SLC20A2: variants seen among roughly 807,000 people sequenced by gnomAD.
SLC20A2 encodes sodium-dependent phosphate transporter 2.
In SLC20A2, 30 loss-of-function variants were observed where a neutral mutation model predicts 61.0. That is an observed-to-expected ratio of 0.49 (90% confidence interval 0.37 to 0.67). SLC20A2 has a LOEUF of 0.67. SLC20A2 is among the 30% of genes least tolerant of loss of function. The pLI, the probability that SLC20A2 is intolerant of heterozygous loss-of-function variation, is 0.00. For missense variants in SLC20A2, 626 were observed against 866.4 expected (o/e 0.72, Z 3.48); for synonymous variants, 351 against 353.3 (o/e 0.99, Z 0.07).
At chr8:42,450,188 T>C (rs1265828718) in intron 5 of SLC20A2, among the ~76,000 whole-genome samples, 2 of 151,522 alleles carry the variant, frequency 1.3e-5, no homozygotes, top group Non-Finnish European at 2.9e-5. Context: ...AAAATATATA[T>C]ATATATTTTT....
At chr8:42,483,877 T>C (rs898531449) in intron 1 of SLC20A2, among the ~76,000 whole-genome samples, 7 of 152,360 alleles carry the variant, frequency 4.6e-5, no homozygotes, top group East Asian at 1.9e-4. Context: ...TGGAACCATG[T>C]ATGAAAATAG....
In SLC20A2 at chr8:42,439,529, G is replaced by A; in HGVS notation, c.855C>T (p.Ile285=). ...TCTCCCCTGCTGCTCCCGTGAGCGG[G>A]ATGGTGCTGTCATCATTAGCCTTGG... The part of the protein sequence containing the change: ...PGAKANDDST[I]PLTGAAGETL... The change falls in exon 7 of 11, where the codon ATC becomes ATT. Residue 285 remains isoleucine (I), a synonymous_variant. Coordinates refer to ENST00000520262, the MANE Select transcript of SLC20A2 (RefSeq NM_001257180.2). The A allele has an allele frequency of 2.5e-6, 4 of 1,614,238 alleles. No homozygotes were observed. The highest frequency in any genetic ancestry group is 3.4e-6 in the Non-Finnish European group (4 of 1,180,048).
At chr8:42,526,407 C>T (rs577521640) in intron 1 of SLC20A2, among the ~76,000 whole-genome samples, 1 of 151,480 alleles carries the variant, frequency 6.6e-6, no homozygotes, top group African/African-American at 2.4e-5. Flanking sequence ...GGTGTGGTGG[C>T]TCACGCCTGT....
rs11985799 is a variant in SLC20A2, at chr8:42,493,367, A to C, written c.-265+7664T>G. On this transcript the variant is annotated intron_variant, in intron 1 of 10. Coordinates refer to ENST00000520262, the MANE Select transcript of SLC20A2 (RefSeq NM_001257180.2). ...CTCACATGTAGTGAACGCTGGTGAG[A>C]TACACCGTGATACTACACAGATAAG... 8.3e-3 allele frequency among the ~76,000 whole-genome samples: 1,264 copies of C among 151,738 alleles called. 9 individuals carry two copies. Among genetic ancestry groups the C allele is most frequent in the African/African-American group, 0.029 (1,213 of 41,350 alleles).
rs1563478110 is a variant in SLC20A2 at position 42,455,240 on chromosome 8, A to AT, written c.613+4655_613+4656insA. Among the ~76,000 whole-genome samples the AT allele has an allele frequency of 1.0e-3, 99 of 95,416 alleles. 2 individuals are homozygous for AT. Among genetic ancestry groups the AT allele is most frequent in the African/African-American group, 3.1e-3 (78 of 25,278 alleles). 62.6% of individuals were successfully genotyped at this position (95,416 alleles called of 152,430 possible). A position where few individuals can be genotyped will look rare whatever the true frequency, so the allele number is the denominator to read the frequency against. On this transcript the variant is annotated intron_variant, in intron 5 of 10. Transcript: ENST00000520262. ...ACTCCGTCTAAAAAAAAAAAAAAAA[A>AT]AATATATATATATATATAGAGAGAG... is the stretch of plus-strand genomic sequence containing the variant.
chr8:42,426,530 T>C (rs1803424137), intron 10 of SLC20A2, among the ~76,000 whole-genome samples: 2 of 152,116 alleles, frequency 1.3e-5, no homozygotes, highest in South Asian at 4.1e-4. Flanking sequence ...GCCATGTCTC[T>C]ACTAAAAATA....
intron 1 of SLC20A2, among the ~76,000 whole-genome samples, chr8:42,509,460 C>A (rs1243153489): frequency 6.6e-6 from 1 of 152,046 alleles, no homozygotes; most frequent in African/African-American, 2.4e-5. Context: ...CTTAGCCAGG[C>A]ACAGTGTCAT....
intron 8 of SLC20A2, among the ~76,000 whole-genome samples, chr8:42,436,688 T>G (rs1166817918): frequency 6.6e-6 from 1 of 152,216 alleles, no homozygotes; most frequent in Admixed American, 6.5e-5. Context: ...CCTGCCGTCC[T>G]GCTGACGCCA....
At chr8:42,442,758 A>G (rs529941368) in intron 6 of SLC20A2, among the ~76,000 whole-genome samples, 39 of 152,342 alleles carry the variant, frequency 2.6e-4, no homozygotes, top group African/African-American at 9.4e-4. Context: ...TAAATTGTCT[A>G]AAGTCTAGAG....
intron 5 of SLC20A2, among the ~76,000 whole-genome samples, chr8:42,456,672 C>T (rs1806221012): frequency 6.9e-6 from 1 of 144,128 alleles, no homozygotes; most frequent in Non-Finnish European, 1.5e-5. Context: ...GCAGAGGTTG[C>T]AGTGAGCTGA....
chr8:42,440,087 A>C (rs1804655024), intron 6 of SLC20A2, among the ~76,000 whole-genome samples: 1 of 151,358 alleles, frequency 6.6e-6, no homozygotes, highest in South Asian at 2.1e-4. Context: ...TCTGTCTCAA[A>C]AAAAAAAAAA....
intron 1 of SLC20A2, among the ~76,000 whole-genome samples, chr8:42,489,299 T>C (rs1809322454): frequency 6.6e-6 from 1 of 152,134 alleles, no homozygotes; most frequent in African/African-American, 2.4e-5. Flanking sequence ...TTGATGAGTC[T>C]GCCAGTGTAC....
intron 5 of SLC20A2, among the ~76,000 whole-genome samples, chr8:42,456,275 C>G (rs536994479): frequency 6.6e-6 from 1 of 152,118 alleles, no homozygotes; most frequent in African/African-American, 2.4e-5. Flanking sequence ...ACGAAAAAAC[C>G]CCATCCATAT....
At chr8:42,473,276 C>T (rs1223427553) in intron 1 of SLC20A2, among the ~76,000 whole-genome samples, 4 of 152,118 alleles carry the variant, frequency 2.6e-5, no homozygotes, top group African/African-American at 4.8e-5. Flanking sequence ...CCTATCACTA[C>T]GCCACTATCC....
intron 3 of SLC20A2, among the ~76,000 whole-genome samples, chr8:42,464,092 C>T (rs13276558): frequency 0.03 from 620 of 20,526 alleles, 9 homozygotes; most frequent in African/African-American, 0.053. Context: ...GCTGGATGAT[C>T]TTTTTTTTTT....
intron 8 of SLC20A2, among the ~76,000 whole-genome samples, chr8:42,433,624 G>A (rs1476296673): frequency 1.3e-5 from 2 of 152,174 alleles, no homozygotes; most frequent in Non-Finnish European, 2.9e-5. Context: ...TTATCTTTCT[G>A]TGATGGTTTA....
chr8:42,495,224 A>G (rs1006321833), intron 1 of SLC20A2, among the ~76,000 whole-genome samples: 1 of 152,160 alleles, frequency 6.6e-6, no homozygotes, highest in Non-Finnish European at 1.5e-5. Context: ...GATTTTTCCA[A>G]GGAAGAAATA....
chr8:42,464,673 T>G (rs1442255976), intron 3 of SLC20A2, among the ~76,000 whole-genome samples: 1 of 152,064 alleles, frequency 6.6e-6, no homozygotes, highest in Admixed American at 6.6e-5. Context: ...GTTCACTATC[T>G]CTATTAACAG....
intron 1 of SLC20A2, among the ~76,000 whole-genome samples, chr8:42,496,646 G>C (rs1809948218): frequency 6.6e-6 from 1 of 152,210 alleles, no homozygotes; most frequent in Admixed American, 6.5e-5. Context: ...GCTATTTGTT[G>C]TAGATACAAA....
Sources: allele counts gnomAD v4.1 joint callset (sites outside exome capture counted in the v4.1 genomes callset), GRCh38; gene constraint gnomAD v4.1.1; transcripts MANE v1.5; gene names NCBI Gene and HGNC (gene_info 2026-07-23, HGNC 2026-07-21).